RHBDD1: variants seen among roughly 807,000 people sequenced by gnomAD.
The protein encoded by RHBDD1 is rhomboid domain containing 1.
Under a neutral mutation model 36.3 loss-of-function variants are expected in RHBDD1, and 38 were observed. The ratio of observed to expected loss-of-function variants is 1.05; its 90% CI spans 0.81 to 1.37. RHBDD1 has a LOEUF of 1.37. Among genes scored for constraint, RHBDD1 ranks in the 40% most tolerant of loss-of-function variants. RHBDD1 has a pLI of 0.00. For synonymous variants in RHBDD1, 151 were observed against 136.5 expected, an observed-to-expected ratio of 1.11 and a Z score of -0.74; for missense variants, 393 against 377.6, an observed-to-expected ratio of 1.04 and a Z score of -0.34.
At chr2:226,969,046 A>C in intron 8 of RHBDD1, 1 of 209,452 alleles carries the variant, frequency 4.8e-6, no homozygotes, top group African/African-American at 2.3e-5. Flanking sequence ...AGCCGGGATA[A>C]ACAAGGTGTT....
At chr2:226,824,210 A>T in the RHBDD1 span, among the ~76,000 whole-genome samples, 1 of 152,114 alleles carries the variant, frequency 6.6e-6, no homozygotes, top group Admixed American at 6.6e-5. Context: ...AAATGTTAAC[A>T]TTTAAGACAT....
At chr2:226,841,786 A>T (rs1941662593) in intron 3 of RHBDD1, among the ~76,000 whole-genome samples, 1 of 152,142 alleles carries the variant, frequency 6.6e-6, no homozygotes, top group Non-Finnish European at 1.5e-5. Context: ...TAATAGAATG[A>T]TTTCTATTCC....
the RHBDD1 span, among the ~76,000 whole-genome samples, chr2:226,820,644 CAAAAAAAAAAAAAA>C: frequency 9.4e-5 from 6 of 63,518 alleles, no homozygotes; most frequent in Admixed American, 2.0e-4. Flanking sequence ...TCCATCTCCA[CAAAAAAAAAAAAAA>C]AAAAAAAAAA....
intron 8 of RHBDD1, among the ~76,000 whole-genome samples, chr2:226,932,543 T>C (rs764500830): frequency 1.1e-4 from 16 of 152,122 alleles, no homozygotes; most frequent in Non-Finnish European, 2.1e-4. Flanking sequence ...CAGAGGGTTT[T>C]TCTCGGTATC....
chr2:226,871,326 T>C (rs993991392), intron 5 of RHBDD1, among the ~76,000 whole-genome samples: 1 of 152,174 alleles, frequency 6.6e-6, no homozygotes, highest in African/African-American at 2.4e-5. Flanking sequence ...ACTTCACCCC[T>C]AAAAACTTCA....
chr2:226,904,639 C>G (rs1261181924), intron 5 of RHBDD1, among the ~76,000 whole-genome samples: 1 of 152,152 alleles, frequency 6.6e-6, no homozygotes, highest in South Asian at 2.1e-4. Flanking sequence ...ATGCTGTTCT[C>G]TTTACAAGGC....
At chr2:226,876,553 G>A (rs1945257235) in intron 5 of RHBDD1, among the ~76,000 whole-genome samples, 1 of 152,160 alleles carries the variant, frequency 6.6e-6, no homozygotes, top group African/African-American at 2.4e-5. Flanking sequence ...AGCACAGAAA[G>A]TTAACTTATT....
chr2:226,833,378 C>A (rs1451244243), upstream of RHBDD1, among the ~76,000 whole-genome samples: 1 of 152,228 alleles, frequency 6.6e-6, no homozygotes, highest in East Asian at 1.9e-4. Context: ...CTGACGTCCT[C>A]TCACTTTCAG....
intron 5 of RHBDD1, among the ~76,000 whole-genome samples, chr2:226,873,212 G>C (rs1413326436): frequency 5.9e-5 from 9 of 152,192 alleles, no homozygotes; most frequent in Admixed American, 4.6e-4. Context: ...GCACTGTAAA[G>C]ACTGGCAGTG....
chr2:226,919,226 T>C (rs187198611), intron 8 of RHBDD1, among the ~76,000 whole-genome samples: 1 of 152,182 alleles, frequency 6.6e-6, no homozygotes. Flanking sequence ...GTTATTAGCC[T>C]CTTGTCAGAT....
chr2:226,964,484 T>C (rs1170048248), intron 8 of RHBDD1, among the ~76,000 whole-genome samples: 2 of 152,196 alleles, frequency 1.3e-5, no homozygotes, highest in Non-Finnish European at 2.9e-5. Context: ...CCACTTTACC[T>C]TTGAACATCA....
At chr2:226,801,203 A>T in the RHBDD1 span, among the ~76,000 whole-genome samples, 2 of 151,962 alleles carry the variant, frequency 1.3e-5, no homozygotes, top group African/African-American at 2.4e-5. Flanking sequence ...AGTGGCTGGG[A>T]CCCGGCGGGC....
intron 8 of RHBDD1, among the ~76,000 whole-genome samples, chr2:226,993,209 T>A (rs1958658425): frequency 6.6e-6 from 1 of 152,240 alleles, no homozygotes; most frequent in African/African-American, 2.4e-5. Context: ...CTTTTTCTTT[T>A]GAAGAAACGC....
At chr2:226,994,171 C>T (rs771472553) in intron 8 of RHBDD1, among the ~76,000 whole-genome samples, 6 of 152,210 alleles carry the variant, frequency 3.9e-5, no homozygotes, top group Non-Finnish European at 8.8e-5. Context: ...CCTCACTGGG[C>T]AGCATTGGAA....
the RHBDD1 span, among the ~76,000 whole-genome samples, chr2:226,802,557 T>C: frequency 6.6e-6 from 1 of 152,198 alleles, no homozygotes; most frequent in East Asian, 1.9e-4. Flanking sequence ...GCTGAGCAGG[T>C]ATGGGTATTA....
intron 8 of RHBDD1, among the ~76,000 whole-genome samples, chr2:226,990,644 T>C (rs1957979575): frequency 6.6e-6 from 1 of 152,202 alleles, no homozygotes; most frequent in East Asian, 1.9e-4. Context: ...TTCCCTTAGA[T>C]GTAAAATGCA....
chr2:226,834,494 T>C (rs1305165824), upstream of RHBDD1, among the ~76,000 whole-genome samples: 2 of 152,082 alleles, frequency 1.3e-5, no homozygotes, highest in African/African-American at 4.8e-5. Flanking sequence ...AAGAATCTTC[T>C]TTGTCACTTG....
chr2:226,948,564 T>TAAAAAAA (rs56325989), intron 8 of RHBDD1, among the ~76,000 whole-genome samples: 9 of 23,512 alleles, frequency 3.8e-4, no homozygotes, highest in Non-Finnish European at 5.0e-4. Flanking sequence ...ACTTAAAGTA[T>TAAAAAAA]AAAAAAAAAA....
At chr2:226,923,280 G>A (rs542258958) in intron 8 of RHBDD1, among the ~76,000 whole-genome samples, 11 of 151,958 alleles carry the variant, frequency 7.2e-5, no homozygotes, top group African/African-American at 1.9e-4. Context: ...GGATATTTTC[G>A]CTGGATATAC....
Sources: allele counts gnomAD v4.1 joint callset (sites outside exome capture counted in the v4.1 genomes callset), GRCh38; gene constraint gnomAD v4.1.1; transcripts MANE v1.5; gene names NCBI Gene and HGNC (gene_info 2026-07-23, HGNC 2026-07-21).